Variants in PLCH2 observed in about 807,000 individuals in gnomAD.
PLCH2 encodes 1-phosphatidylinositol 4,5-bisphosphate phosphodiesterase eta-2.
Under a neutral mutation model 134.7 loss-of-function variants are expected in PLCH2, and 98 were observed. The ratio of observed to expected loss-of-function variants is 0.73; its 90% confidence interval spans 0.62 to 0.86. The LOEUF is 0.86. PLCH2 is among the 40% of genes least tolerant of loss of function. The probability of loss-of-function intolerance (pLI) is 0.00; values close to 1 mark genes in which losing one functional copy is unlikely to be tolerated. For missense variants in PLCH2, 1,994 were observed against 1,986.6 expected (o/e 1.00, Z -0.07); for synonymous variants, 974 against 827.5 (o/e 1.18, Z -3.04).
intron 11 of PLCH2, chr1:2,494,438 C>T (rs993250348): frequency 9.8e-6 from 3 of 306,406 alleles, no homozygotes; most frequent in African/African-American, 2.2e-5. Context: ...AGGTCAGGGC[C>T]GTGGAATGCT....
rs1461325721 is a variant in PLCH2, at chr1:2,459,487, T to TG, written c.116-18989_116-18988insG. 8.8e-4 allele frequency among the ~76,000 whole-genome samples: 57 copies of TG among 65,036 alleles called. 1 individual carries two copies. The highest frequency in any genetic ancestry group is 2.4e-3 in the Admixed American group (16 of 6,558). The allele number at this position is 65,036 out of a possible 152,430, so 42.7% of individuals were successfully genotyped here. On this transcript the variant is annotated intron_variant, in intron 2 of 3. Coordinates refer to the PLCH2 transcript ENST00000609981. Reference sequence around the variant, plus strand: ...GGTTCTCCTTCCTGGTGGTCCTCCTTCCTGGTGGTCCTCCTTCCTGGTGGT... The same window carrying TG: ...GGTTCTCCTTCCTGGTGGTCCTCCTTGCCTGGTGGTCCTCCTTCCTGGTGGT...
chr1:2,435,275 G>C (rs980794640), intron 2 of PLCH2, among the ~76,000 whole-genome samples: 4 of 152,226 alleles, frequency 2.6e-5, no homozygotes, highest in African/African-American at 9.6e-5. Context: ...CAGGGGCTGT[G>C]GGGGGTGGGG....
intron 2 of PLCH2, among the ~76,000 whole-genome samples, chr1:2,454,986 G>A (rs78128505): frequency 0.044 from 6,630 of 152,134 alleles, 257 homozygotes; most frequent in Admixed American, 0.11. Context: ...GCCAGGCCTC[G>A]GCCCCCCATG....
In PLCH2 at chr1:2,484,566, A is replaced by G. The variant is rs1399363843; in HGVS notation, c.764A>G (p.Lys255Arg). 3 of 1,613,134 alleles carry G rather than the reference A, an allele frequency of 1.9e-6. No individual in the cohort carries two copies. The highest frequency in any genetic ancestry group is 2.5e-6 in the Non-Finnish European group (3 of 1,179,816). ...CTCATGCTGACCTACAGCAACCACA[A>G]GGACCACCTGGATGCCGCCAGCCTG... ...YLLMLTYSNH[K>R]DHLDAASLQR... is the part of the protein sequence containing the mutation. Residue 255 changes from lysine to arginine, a missense_variant, in exon 5 of 22, where the codon AAG becomes AGG. Lys to Arg is a conservative substitution (Grantham distance 26). This residue lies in a region of PLCH2 where 1,094 missense variants were observed against 1,234.3 expected (regional missense o/e 0.89). Coordinates refer to ENST00000378486, the MANE Select transcript of PLCH2 (RefSeq NM_014638.4).
At chr1:2,426,190 A>C (rs567704119) in intron 1 of PLCH2, among the ~76,000 whole-genome samples, 14 of 152,198 alleles carry the variant, frequency 9.2e-5, no homozygotes, top group Non-Finnish European at 1.8e-4. Context: ...ATCTGTGCAG[A>C]TGTCAGCGCG....
chr1:2,425,265 A>G (rs1401397387), upstream of PLCH2, among the ~76,000 whole-genome samples: 3 of 143,694 alleles, frequency 2.1e-5, no homozygotes, highest in Non-Finnish European at 4.4e-5. Flanking sequence ...ATACATACAC[A>G]CATATACACA....
intron 2 of PLCH2, among the ~76,000 whole-genome samples, chr1:2,449,583 G>A (rs1270679720): frequency 1.3e-5 from 2 of 152,346 alleles, no homozygotes; most frequent in East Asian, 1.9e-4. Flanking sequence ...GGTGTCAGGT[G>A]AGGTGGGGGA....
chr1:2,499,607 G>T, intron 19 of PLCH2, 34 bp from the exon 20 acceptor site: 1 of 1,514,000 alleles, frequency 6.6e-7, no homozygotes, highest in Non-Finnish European at 9.0e-7. Context: ...GGGAGGCTGT[G>T]ACCTCATGAC....
intron 10 of PLCH2, among the ~76,000 whole-genome samples, chr1:2,490,893 A>G (rs1642537148): frequency 6.6e-6 from 1 of 152,248 alleles, no homozygotes; most frequent in African/African-American, 2.4e-5. Context: ...CCTGAGGCAC[A>G]TGGTGGCCAG....
At chr1:2,441,704 G>A (rs1038551164) in intron 2 of PLCH2, among the ~76,000 whole-genome samples, 1 of 152,308 alleles carries the variant, frequency 6.6e-6, no homozygotes, top group African/African-American at 2.4e-5. Context: ...GGAAGCCAGG[G>A]TGGAGTCTGG....
Position 2,498,877 on chromosome 1 carries a change from G to T in PLCH2, c.2434+49G>T, listed in dbSNP as rs749097711. The T allele has an allele frequency of 2.7e-6, 4 of 1,468,640 alleles. No individual in the cohort carries two copies. Among genetic ancestry groups the T allele is most frequent in the East Asian group, 4.7e-5 (2 of 42,202 alleles). 91.0% of individuals were successfully genotyped at this position (1,468,640 alleles called of 1,614,324 possible). On this transcript the variant is annotated intron_variant, in intron 18 of 21. Transcript: ENST00000378486. This position sits in a 1 kb window ranked among gnomAD's most constrained non-coding sequence, Gnocchi z 5.4. ...CACACCTGTGATGGAAGTCTGAGGG[G>T]GGAGGGTTGGGGCTACCTGGTGTGC...
In PLCH2 at chr1:2,498,952, C is replaced by T. The variant is rs966536618; in HGVS notation, c.2434+124C>T. The T allele has an allele frequency of 8.7e-6, 12 of 1,374,472 alleles. No homozygotes were observed. Among genetic ancestry groups the T allele is most frequent in the African/African-American group, 7.2e-5 (5 of 69,760 alleles). The allele number at this position is 1,374,472 out of a possible 1,614,324, so 85.1% of individuals were successfully genotyped here. ...TCAGTGACAGTCCTGGGCGCCCTCCCCTCTAGGTGGGCAGTCCCGGAAGCA... is the reference window on the plus strand; with the variant it reads ...TCAGTGACAGTCCTGGGCGCCCTCCTCTCTAGGTGGGCAGTCCCGGAAGCA... On this transcript the variant is annotated intron_variant, in intron 18 of 21. Transcript: ENST00000378486. The surrounding 1 kb of genome is among the most constrained non-coding windows in gnomAD (Gnocchi z 5.4).
Position 2,504,275 on chromosome 1 carries a change from C to T in PLCH2, c.3313C>T (p.Leu1105=). The change falls in exon 22 of 22, where the codon CTG becomes TTG. Residue 1105 remains leucine (L), a synonymous_variant. Coordinates refer to ENST00000378486, the MANE Select transcript of PLCH2 (RefSeq NM_014638.4). ...KSEGQVPTEP[L]GGWRPLAAPF... is the part of the protein sequence containing the mutation. ...TGAGGGGCAGGTGCCCACGGAGCCC[C>T]TGGGAGGGTGGCGGCCCCTGGCCGC... The T allele has an allele frequency of 6.3e-7, 1 of 1,595,608 alleles. No homozygotes were observed.
intron 2 of PLCH2, among the ~76,000 whole-genome samples, chr1:2,449,282 G>A (rs1243770453): frequency 6.6e-6 from 1 of 152,194 alleles, no homozygotes; most frequent in Non-Finnish European, 1.5e-5. Context: ...CCTGAGATCA[G>A]GAGTTCGAGA....
intron 2 of PLCH2, among the ~76,000 whole-genome samples, chr1:2,435,725 C>T (rs1397553573): frequency 1.3e-5 from 2 of 151,988 alleles, no homozygotes; most frequent in African/African-American, 4.8e-5. Context: ...CTGTGGAGTA[C>T]AGCCAGGGTG....
chr1:2,456,835 G>C (rs1461383406), intron 2 of PLCH2, among the ~76,000 whole-genome samples: 1 of 152,162 alleles, frequency 6.6e-6, no homozygotes, highest in African/African-American at 2.4e-5. Context: ...AGGGCCAGCG[G>C]AGGGGCCCGT....
chr1:2,477,221 C>T (rs1460285889), intron 1 of PLCH2, among the ~76,000 whole-genome samples: 1 of 152,114 alleles, frequency 6.6e-6, no homozygotes, highest in African/African-American at 2.4e-5. Flanking sequence ...CAGCGGCAGA[C>T]AGGGTCCTGT....
chr1:2,421,605 C>T (rs536849055), upstream of PLCH2, among the ~76,000 whole-genome samples: 1 of 152,112 alleles, frequency 6.6e-6, no homozygotes, highest in African/African-American at 2.4e-5. Flanking sequence ...TCTGTGGGCT[C>T]AAGTGGGAAT....
intron 2 of PLCH2, among the ~76,000 whole-genome samples, chr1:2,441,322 G>T (rs1639682256): frequency 6.6e-6 from 1 of 152,208 alleles, no homozygotes; most frequent in Non-Finnish European, 1.5e-5. Context: ...CTCCAAGCAG[G>T]CGTCGCATCC....
Sources: allele counts gnomAD v4.1 joint callset (sites outside exome capture counted in the v4.1 genomes callset), GRCh38; gene constraint gnomAD v4.1.1; regional missense constraint gnomAD v4.1.1; non-coding constraint Gnocchi (gnomAD v3.1); transcripts MANE v1.5; gene names NCBI Gene and HGNC (gene_info 2026-07-23, HGNC 2026-07-21).